RUNX3: variants seen among roughly 807,000 people sequenced by gnomAD.
RUNX3 encodes runt-related transcription factor 3.
RUNX3 carries 10 observed loss-of-function variants against 27.7 expected under a neutral mutation model. That is an observed-to-expected ratio of 0.36 (90% CI 0.22 to 0.61). RUNX3 has a LOEUF of 0.61. Ranked by LOEUF, RUNX3 falls within the 20% of genes least tolerant of loss-of-function variation. The pLI is 0.72. For missense variants in RUNX3, 469 were observed against 629.5 expected (o/e 0.75, Z 2.73); for synonymous variants, 270 against 269.2 (o/e 1.00, Z -0.03).
intron 3 of RUNX3, among the ~76,000 whole-genome samples, chr1:24,917,238 C>A (rs1356746226): frequency 2.0e-5 from 3 of 152,216 alleles, no homozygotes; most frequent in East Asian, 1.9e-4. Context: ...CAGAGCCCAA[C>A]TGAGGCTCCT....
chr1:24,910,327 GGGA>G (rs1411836342), intron 3 of RUNX3, among the ~76,000 whole-genome samples: 44 of 151,980 alleles, frequency 2.9e-4, no homozygotes, highest in African/African-American at 1.1e-3. Context: ...GGGGGTAAGG[GGGA>G]GGAGAAGGTT....
intron 2 of RUNX3, among the ~76,000 whole-genome samples, chr1:24,955,425 G>C (rs530640557): frequency 6.6e-6 from 1 of 152,334 alleles, no homozygotes; most frequent in African/African-American, 2.4e-5. Context: ...CCATCTGCCT[G>C]AGTCTGTTTT....
At chr1:24,956,547 A>G (rs1355390099) in intron 2 of RUNX3, among the ~76,000 whole-genome samples, 1 of 152,090 alleles carries the variant, frequency 6.6e-6, no homozygotes, top group Non-Finnish European at 1.5e-5. Flanking sequence ...GCTCTTTATC[A>G]CTTCTGACTT....
intron 2 of RUNX3, among the ~76,000 whole-genome samples, chr1:24,948,705 G>T (rs1257416190): frequency 4.1e-5 from 6 of 146,380 alleles, no homozygotes; most frequent in African/African-American, 1.0e-4. Context: ...GGAGAGAAGG[G>T]TTTGTACATG....
In RUNX3 at chr1:24,929,817, G is replaced by T; in HGVS notation, c.52C>A (p.Pro18Thr). 2 of 1,407,366 alleles carry T rather than the reference G, an allele frequency of 1.4e-6. No homozygotes were observed. The highest frequency in any genetic ancestry group is 1.8e-6 in the Non-Finnish European group (2 of 1,091,100). 87.2% of individuals were successfully genotyped at this position (1,407,366 alleles called of 1,614,324 possible). A position where few individuals can be genotyped will look rare whatever the true frequency, so the allele number is the denominator to read the frequency against. Residue 18 changes from proline (P) to threonine (T), a missense_variant, in exon 1 of 5, where the codon CCG becomes ACG. Physicochemically the swap from Pro to Thr is conservative, Grantham distance 38. Transcript: ENST00000308873. ...STSRRFTPPSPAFPCGGGGGK... is the reference protein window; with the variant it reads ...STSRRFTPPSTAFPCGGGGGK... ...CCGCCGCCGCCGCAGGGGAAGGCCG[G>T]GGAGGGAGGTGTGAAGCGGCGGCTG... is the stretch of plus-strand genomic sequence containing the variant.
At chr1:24,939,379 A>T (rs1329830261) in intron 2 of RUNX3, among the ~76,000 whole-genome samples, 1 of 152,252 alleles carries the variant, frequency 6.6e-6, no homozygotes, top group African/African-American at 2.4e-5. Flanking sequence ...AGGTGTGTGC[A>T]AAGATGCTCC....
Position 24,902,946 on chromosome 1 carries a change from T to C in RUNX3, c.704-280A>G, listed in dbSNP as rs1193479528. Among the ~76,000 whole-genome samples, 1 of 152,166 alleles carries C rather than the reference T, an allele frequency of 6.6e-6. No homozygotes were observed. The highest frequency in any genetic ancestry group is 1.5e-5 in the Non-Finnish European group (1 of 68,010). ...ACAGAGGAGGGGGTCTATTCTTCTT[T>C]TTAAATCCTCCTTCCCAGCCTCGCA... is the stretch of plus-strand genomic sequence containing the variant. On this transcript the variant is annotated intron_variant, in intron 4 of 4. Coordinates refer to ENST00000308873, the MANE Select transcript of RUNX3 (RefSeq NM_004350.3). This position sits in a 1 kb window ranked among gnomAD's most constrained non-coding sequence, Gnocchi z 9.2.
At chr1:24,948,234 C>A (rs946413102) in intron 2 of RUNX3, among the ~76,000 whole-genome samples, 1 of 152,240 alleles carries the variant, frequency 6.6e-6, no homozygotes, top group Non-Finnish European at 1.5e-5. Context: ...CCTCCCCCTG[C>A]AGCCTCCCTC....
At chr1:24,920,681 C>A (rs1640981708) in intron 2 of RUNX3, among the ~76,000 whole-genome samples, 1 of 152,202 alleles carries the variant, frequency 6.6e-6, no homozygotes. Context: ...TTTCCCCGGG[C>A]ACAGGCCTGC....
chr1:24,933,184 T>G (rs1268551561), upstream of RUNX3, among the ~76,000 whole-genome samples: 1 of 152,038 alleles, frequency 6.6e-6, no homozygotes, highest in Non-Finnish European at 1.5e-5. Context: ...GCCTAAGAGG[T>G]CCATGGGCTA....
rs190999148 is a variant in RUNX3, at chr1:24,916,227, C to T, written c.544+3013G>A. 2.0e-3 allele frequency among the ~76,000 whole-genome samples: 300 copies of T among 152,328 alleles called. 3 individuals carry two copies. Among genetic ancestry groups the T allele is most frequent in the Non-Finnish European group, 1.3e-3 (88 of 68,032 alleles). On this transcript the variant is annotated intron_variant, in intron 3 of 4. Transcript: ENST00000308873. The surrounding 1 kb of genome is among the most constrained non-coding windows in gnomAD (Gnocchi z 4.8). ...AAAGGAAGTCCAGGAGCACAAAAGGCCTGTAACAACCTGTGAAGGTTGTGG... is the reference window on the plus strand; with the variant it reads ...AAAGGAAGTCCAGGAGCACAAAAGGTCTGTAACAACCTGTGAAGGTTGTGG...
chr1:24,933,231 C>T (rs943494037), upstream of RUNX3, among the ~76,000 whole-genome samples: 2 of 152,184 alleles, frequency 1.3e-5, no homozygotes, highest in Admixed American at 1.3e-4. Flanking sequence ...TCTGCCTGAG[C>T]GTGTCTTTTT....
At position 24,904,543 on chromosome 1, in the gene RUNX3, G is replaced by C. The variant is rs1053561849; in HGVS notation, c.704-1877C>G. 1.4e-4 allele frequency among the ~76,000 whole-genome samples: 21 copies of C among 152,206 alleles called. No homozygotes were observed. The highest frequency in any genetic ancestry group is 1.3e-4 in the Admixed American group (2 of 15,286). Reference sequence around the variant, plus strand: ...AGTTTTCATCTGGGGAGCCCCTCGGGGGGAGAGGTCCTGTTGCAGGTGCTG... The same window carrying C: ...AGTTTTCATCTGGGGAGCCCCTCGGCGGGAGAGGTCCTGTTGCAGGTGCTG... On this transcript the variant is annotated intron_variant, in intron 4 of 4. Coordinates refer to ENST00000308873, the MANE Select transcript of RUNX3 (RefSeq NM_004350.3). The surrounding 1 kb of genome is among the most constrained non-coding windows in gnomAD (Gnocchi z 5.7).
intron 2 of RUNX3, among the ~76,000 whole-genome samples, chr1:24,956,878 T>C (rs995250313): frequency 2.0e-5 from 3 of 152,176 alleles, no homozygotes; most frequent in Non-Finnish European, 4.4e-5. Context: ...CCAGATGCCC[T>C]CTGTTTCCTC....
chr1:24,948,072 G>A (rs905696514), intron 2 of RUNX3, among the ~76,000 whole-genome samples: 2 of 152,198 alleles, frequency 1.3e-5, no homozygotes, highest in African/African-American at 4.8e-5. Flanking sequence ...CCCTGACTCT[G>A]TCACATCAGT....
chr1:24,901,417 G>A lies in RUNX3; in HGVS notation c.*705C>T, dbSNP rs937812724. On this transcript the variant is annotated 3_prime_UTR_variant, in exon 5 of 5. Coordinates refer to ENST00000308873, the MANE Select transcript of RUNX3 (RefSeq NM_004350.3). ...GGTGCTTTCCTGGGTTTAAGAACCT[G>A]ATGCCATAGACTCATCTTCTCTGGG... The A allele has an allele frequency of 1.3e-5, 2 of 152,822 alleles. No individual in the cohort carries two copies. Among genetic ancestry groups the A allele is most frequent in the Non-Finnish European group, 2.9e-5 (2 of 68,164 alleles). The allele number at this position is 152,822 out of a possible 1,614,324, so 9.5% of individuals were successfully genotyped here.
chr1:24,908,308 C>T (rs755177541), intron 3 of RUNX3, among the ~76,000 whole-genome samples: 8 of 151,528 alleles, frequency 5.3e-5, no homozygotes, highest in East Asian at 1.9e-4. Context: ...CAAACCTCTA[C>T]GACACACGGT....
chr1:24,924,985 T>A (rs977309408), intron 2 of RUNX3, among the ~76,000 whole-genome samples: 1 of 152,130 alleles, frequency 6.6e-6, no homozygotes, highest in Non-Finnish European at 1.5e-5. Context: ...TGGAAAGCCA[T>A]CTTCCTGGAA....
At chr1:24,946,043 G>C (rs564188170) in intron 2 of RUNX3, among the ~76,000 whole-genome samples, 1 of 151,948 alleles carries the variant, frequency 6.6e-6, no homozygotes, top group Admixed American at 6.6e-5. Flanking sequence ...AGAAGCATTT[G>C]AGAATGAATG....
Sources: gnomAD v4.1 joint callset for allele counts (sites outside exome capture counted in the v4.1 genomes callset) on GRCh38, gnomAD v4.1.1 for gene constraint, Gnocchi (gnomAD v3.1) non-coding constraint, MANE v1.5 for transcripts, NCBI Gene and HGNC (gene_info 2026-07-23, HGNC 2026-07-21) for gene names.